The following PCDHGA11 variants were observed in gnomAD, a reference collection of about 807,000 sequenced individuals.
PCDHGA11 encodes the protein protocadherin gamma-A11.
A neutral mutation model predicts 60.4 loss-of-function variants in PCDHGA11; 39 were observed. The observed-to-expected ratio is 0.65, with a 90% CI of 0.50 to 0.84. The LOEUF is 0.84. PCDHGA11 is among the 40% of genes least tolerant of loss of function. The pLI, the probability that PCDHGA11 is intolerant of heterozygous loss-of-function variation, is 0.00. For synonymous variants in PCDHGA11, 533 were observed against 510.3 expected (o/e 1.04, Z -0.60); for missense variants, 1,165 against 1,197.7 (o/e 0.97, Z 0.40).
At position 141,430,859 on chromosome 5, in the gene PCDHGA11, T is replaced by G. The variant is rs770543752; in HGVS notation, c.2433+7199T>G. The stretch of plus-strand genomic sequence containing the variant: ...GACCGGATGCACCCAGATACGCTAT[T>G]CAGTTCCGGAAGAGCTGGAGAAAGG... On this transcript the variant is annotated intron_variant, in intron 1 of 3. Transcript: ENST00000398587. 5.0e-6 allele frequency: 8 copies of G among 1,592,398 alleles called. No homozygotes were observed. The East Asian group carries it at 1.6e-4, about 31-fold the overall frequency.
chr5:141,428,305 G>T (rs751498223), intron 1 of PCDHGA11: 8 of 694,348 alleles, frequency 1.2e-5, no homozygotes. Flanking sequence ...GATTTACCTG[G>T]TCGTGGCCTT....
chr5:141,477,571 C>T lies in PCDHGA11; in HGVS notation c.2434-17236C>T, dbSNP rs1470454976. The T allele has an allele frequency of 8.1e-6, 13 of 1,614,160 alleles. No individual in the cohort carries two copies. Among genetic ancestry groups the T allele is most frequent in the Middle Eastern group, 1.7e-4 (1 of 6,060 alleles). ...TAAACCTAAGTGTCTGGGACCCCGACGCCCCGCAGAATGCTCGGCTTTCTT... is the reference window on the plus strand; with the variant it reads ...TAAACCTAAGTGTCTGGGACCCCGATGCCCCGCAGAATGCTCGGCTTTCTT... On this transcript the variant is annotated intron_variant, in intron 1 of 3. Transcript: ENST00000398587. This position sits in a 1 kb window ranked among gnomAD's most constrained non-coding sequence, Gnocchi z 4.9.
Position 141,491,797 on chromosome 5 carries a change from G to C in PCDHGA11, c.2434-3010G>C, listed in dbSNP as rs537755017. The C allele has an allele frequency of 7.9e-5, 119 of 1,506,700 alleles. No homozygotes were observed. In the Admixed American group the frequency reaches 1.4e-3, roughly 18 times the overall value. 93.3% of individuals were successfully genotyped at this position (1,506,700 alleles called of 1,614,324 possible). On this transcript the variant is annotated intron_variant, in intron 1 of 3. Coordinates refer to ENST00000398587, the MANE Select transcript of PCDHGA11 (RefSeq NM_018914.3). The surrounding 1 kb of genome is among the most constrained non-coding windows in gnomAD (Gnocchi z 6.9). The stretch of plus-strand genomic sequence containing the variant: ...ATTGAACTTGCATCCACTCCTCTCC[G>C]GCCGGCTTGGTCGCTGGCTGCGCTC...
At chr5:141,454,931 C>T (rs2154564856) in intron 1 of PCDHGA11, among the ~76,000 whole-genome samples, 2 of 151,066 alleles carry the variant, frequency 1.3e-5, no homozygotes, top group South Asian at 4.2e-4. Context: ...CCTCAGCCTC[C>T]CGAGTAGCTG....
At chr5:141,452,106 CTCT>C (rs748460925) in intron 1 of PCDHGA11, among the ~76,000 whole-genome samples, 12 of 152,096 alleles carry the variant, frequency 7.9e-5, no homozygotes, top group South Asian at 4.1e-4. Flanking sequence ...GCTTTCTTTT[CTCT>C]TCTTATTTAT....
intron 1 of PCDHGA11, among the ~76,000 whole-genome samples, chr5:141,488,782 C>T (rs990081222): frequency 2.0e-5 from 3 of 152,178 alleles, no homozygotes; most frequent in Non-Finnish European, 1.5e-5. Flanking sequence ...TTTTGTATCA[C>T]TTTGTCTTCC....
In PCDHGA11 at chr5:141,422,501, CCA is replaced by C; in HGVS notation, c.1277_1278del (p.Thr426ArgfsTer20). ...CAGAGCTACAATATAACGTTGACAG[CCA>C]CAGACCAGGGAAGCCCGCCTTTGTC... On this transcript the variant is annotated frameshift_variant, in exon 1 of 4. Coordinates refer to ENST00000398587, the MANE Select transcript of PCDHGA11 (RefSeq NM_018914.3). LOFTEE classifies it high-confidence loss of function. The C allele has an allele frequency of 6.2e-7, 1 of 1,613,928 alleles. No homozygotes were observed. The highest frequency in any genetic ancestry group is 1.3e-5 in the African/African-American group (1 of 75,032).
At chr5:141,467,280 T>G (rs1021597111) in intron 1 of PCDHGA11, among the ~76,000 whole-genome samples, 58 of 152,272 alleles carry the variant, frequency 3.8e-4, no homozygotes, top group Admixed American at 2.6e-4. Flanking sequence ...CTCGAACTCT[T>G]GACCTCAAGT....
At chr5:141,478,528 G>A (rs1013766552) in intron 1 of PCDHGA11, 1 of 1,609,730 alleles carries the variant, frequency 6.2e-7, no homozygotes, top group Non-Finnish European at 8.5e-7. Context: ...TGGGTGCAGA[G>A]AGCGCCCCTC....
At chr5:141,483,501 G>C (rs1022338958) in intron 1 of PCDHGA11, among the ~76,000 whole-genome samples, 2 of 150,394 alleles carry the variant, frequency 1.3e-5, no homozygotes, top group African/African-American at 4.9e-5. Context: ...ATGAGTCAAG[G>C]CTGATCCCCC....
chr5:141,458,694 C>T (rs905547768), intron 1 of PCDHGA11, among the ~76,000 whole-genome samples: 3 of 152,018 alleles, frequency 2.0e-5, no homozygotes, highest in Non-Finnish European at 2.9e-5. Flanking sequence ...CTCAGCCTCC[C>T]GAGTAGCTGG....
rs1279890312 is a variant in PCDHGA11, at chr5:141,432,403, G to C, written c.2433+8743G>C. On this transcript the variant is annotated intron_variant, in intron 1 of 3. Transcript: ENST00000398587. This position sits in a 1 kb window ranked among gnomAD's most constrained non-coding sequence, Gnocchi z 6.0. ...CGCCCCTCAGCAGCAACGTGTCGTT[G>C]AGCCTGTTCGTGCTGGACCAGAACG... 1.9e-6 allele frequency: 3 copies of C among 1,614,242 alleles called. No homozygotes were observed. Among genetic ancestry groups the C allele is most frequent in the Non-Finnish European group, 8.5e-7 (1 of 1,180,052 alleles).
chr5:141,449,774 A>G (rs541830970), intron 1 of PCDHGA11, among the ~76,000 whole-genome samples: 2 of 151,714 alleles, frequency 1.3e-5, no homozygotes, highest in African/African-American at 4.8e-5. Flanking sequence ...AAGTTGTAGA[A>G]ATTATGTTTC....
At chr5:141,465,757 T>C (rs2099108578) in intron 1 of PCDHGA11, among the ~76,000 whole-genome samples, 1 of 152,046 alleles carries the variant, frequency 6.6e-6, no homozygotes, top group South Asian at 2.1e-4. Context: ...ACTGGTAAAG[T>C]CATGTTTCAT....
chr5:141,456,178 A>G (rs1216202318), intron 1 of PCDHGA11, among the ~76,000 whole-genome samples: 1 of 151,926 alleles, frequency 6.6e-6, no homozygotes, highest in African/African-American at 2.4e-5. Context: ...ATTACAGAAT[A>G]ATTTCTTAAT....
Position 141,476,021 on chromosome 5 carries a change from C to T in PCDHGA11, c.2434-18786C>T. The T allele has an allele frequency of 7.1e-7, 1 of 1,400,498 alleles. No individual in the cohort carries two copies. The highest frequency in any genetic ancestry group is 1.4e-5 in the South Asian group (1 of 71,458). 86.8% of individuals were successfully genotyped at this position (1,400,498 alleles called of 1,614,324 possible). A position where few individuals can be genotyped will look rare whatever the true frequency, so the allele number is the denominator to read the frequency against. ...GGCATCCAGAAAGCCATGTCGGACT[C>T]GGCGCCCAGCGCCCAAGCGCTAACC... On this transcript the variant is annotated intron_variant, in intron 1 of 3. Coordinates refer to ENST00000398587, the MANE Select transcript of PCDHGA11 (RefSeq NM_018914.3). This position sits in a 1 kb window ranked among gnomAD's most constrained non-coding sequence, Gnocchi z 7.6.
intron 1 of PCDHGA11, among the ~76,000 whole-genome samples, chr5:141,450,112 T>G (rs2098669735): frequency 6.6e-6 from 1 of 150,618 alleles, no homozygotes; most frequent in Non-Finnish European, 1.5e-5. Context: ...GTTCAAATGA[T>G]TCTCCTGCCT....
Position 141,486,274 on chromosome 5 carries a change from T to A in PCDHGA11, c.2434-8533T>A. On this transcript the variant is annotated intron_variant, in intron 1 of 3. Coordinates refer to ENST00000398587, the MANE Select transcript of PCDHGA11 (RefSeq NM_018914.3). The surrounding 1 kb of genome is among the most constrained non-coding windows in gnomAD (Gnocchi z 5.0). ...TCCCCGAGAGTGCAGAACCTGGCAC[T>A]GTGGTGGCACTTATCAGTGTGCAGG... is the stretch of plus-strand genomic sequence containing the variant. 5 of 1,614,064 alleles carry A rather than the reference T, an allele frequency of 3.1e-6. No homozygotes were observed. The highest frequency in any genetic ancestry group is 4.2e-6 in the Non-Finnish European group (5 of 1,179,998).
At chr5:141,461,430 A>G (rs1239117668) in intron 1 of PCDHGA11, among the ~76,000 whole-genome samples, 2 of 151,992 alleles carry the variant, frequency 1.3e-5, no homozygotes, top group African/African-American at 4.8e-5. Context: ...GGCCATTTGT[A>G]TACCTTCTTT....
Sources: gnomAD v4.1 joint callset for allele counts (sites outside exome capture counted in the v4.1 genomes callset) on GRCh38, gnomAD v4.1.1 for gene constraint, Gnocchi (gnomAD v3.1) non-coding constraint, MANE v1.5 for transcripts, NCBI Gene and HGNC (gene_info 2026-07-23, HGNC 2026-07-21) for gene names.